Variants in UBE3C observed in about 807,000 individuals in gnomAD.
UBE3C encodes ubiquitin protein ligase E3C.
Under a neutral mutation model 129.4 loss-of-function variants are expected in UBE3C, and 42 were observed. The ratio of observed to expected loss-of-function variants is 0.32; its 90% CI spans 0.25 to 0.42. The LOEUF is 0.42. Among genes scored for constraint, UBE3C ranks in the 10% least tolerant of loss-of-function variants. The pLI is 1.00. For synonymous variants in UBE3C, 510 were observed against 492.4 expected, an observed-to-expected ratio of 1.04 and a Z score of -0.47; for missense variants, 1,049 against 1,319.1, an observed-to-expected ratio of 0.80 and a Z score of 3.17.
chr7:157,171,686 A>ATATATATATT (rs1563039077), intron 4 of UBE3C, among the ~76,000 whole-genome samples: 1 of 37,634 alleles, frequency 2.7e-5, no homozygotes, highest in Non-Finnish European at 5.3e-5. Context: ...ATATATATAT[A>ATATATATATT]TTTTTTTTTT....
intron 10 of UBE3C, among the ~76,000 whole-genome samples, chr7:157,191,163 CTTAA>C (rs1808952339): frequency 6.6e-6 from 1 of 152,216 alleles, no homozygotes; most frequent in Admixed American, 6.5e-5. Flanking sequence ...AGTGAAGCAG[CTTAA>C]TTATGTCTTG....
At position 157,140,776 on chromosome 7, in the gene UBE3C, T is replaced by C. The variant is rs148176792; in HGVS notation, c.66+1438T>C. On this transcript the variant is annotated intron_variant, in intron 1 of 22. Coordinates refer to ENST00000348165, the MANE Select transcript of UBE3C (RefSeq NM_014671.3). ...TTTTCACCAAGGAGTGCATCTCTGC[T>C]CTGAGGGAGTGAGATTTCTTAACTG... Among the ~76,000 whole-genome samples the C allele has an allele frequency of 9.6e-3, 1,460 of 152,276 alleles. 9 individuals carry two copies. The highest frequency in any genetic ancestry group is 0.018 in the Admixed American group (274 of 15,286).
chr7:157,243,138 T>C lies in UBE3C; in HGVS notation c.2482-5230T>C, dbSNP rs1247600052. Reference sequence around the variant, plus strand: ...TCGCTGGAAGCCACTATGAGGAAAATAGGACAGGAGATGTGCACGTGTCCT... The same window carrying C: ...TCGCTGGAAGCCACTATGAGGAAAACAGGACAGGAGATGTGCACGTGTCCT... On this transcript the variant is annotated intron_variant, in intron 18 of 22. Transcript: ENST00000348165. Among the ~76,000 whole-genome samples the C allele has an allele frequency of 3.3e-5, 5 of 151,844 alleles. No individual in the cohort carries two copies. The East Asian group carries it at 9.7e-4, about 29-fold the overall frequency.
chr7:157,166,912 TTGGTGGTGG>T (rs745770395), intron 2 of UBE3C, among the ~76,000 whole-genome samples: 2 of 126,564 alleles, frequency 1.6e-5, no homozygotes, highest in East Asian at 4.5e-4. Flanking sequence ...CTTTTTCCTG[TTGGTGGTGG>T]TGGTGGTGGT....
Position 157,178,952 on chromosome 7 carries a change from C to T in UBE3C, c.616+105C>T, listed in dbSNP as rs375978981. ...TGTGCCCTCAGTCTCAATGTCAGAG[C>T]GGTACTGGTGTCCCAGACGCCTTGT... is the stretch of plus-strand genomic sequence containing the variant. On this transcript the variant is annotated intron_variant, in intron 6 of 22. Coordinates refer to ENST00000348165, the MANE Select transcript of UBE3C (RefSeq NM_014671.3). 5.2e-4 allele frequency: 735 copies of T among 1,413,002 alleles called. 5 individuals carry two copies. Among genetic ancestry groups the T allele is most frequent in the South Asian group, 3.9e-3 (290 of 74,468 alleles). The allele number at this position is 1,413,002 out of a possible 1,614,324, so 87.5% of individuals were successfully genotyped here.
rs796230254 is a variant in UBE3C, at chr7:157,224,013, GT to G, written c.2100+673del. On this transcript the variant is annotated intron_variant, in intron 16 of 22. Transcript: ENST00000348165. ...TTCACGTTTATTTATCAGAAACGAT[GT>G]TTTTTTTTTTCTGAGACAGGATCTC... Among the ~76,000 whole-genome samples, 420 of 148,192 alleles carry G rather than the reference GT, an allele frequency of 2.8e-3. 7 individuals carry two copies. The highest frequency in any genetic ancestry group is 9.5e-3 in the African/African-American group (386 of 40,682).
chr7:157,195,068 T>C lies in UBE3C; in HGVS notation c.1332-6653T>C, dbSNP rs559039157. Among the ~76,000 whole-genome samples, 18 of 152,378 alleles carry C rather than the reference T, an allele frequency of 1.2e-4. No homozygotes were observed. The South Asian group carries it at 3.7e-3, about 32-fold the overall frequency. ...CTAGAGAAAGTGATGAAGGTATGGC[T>C]GTATAACCTTCTGCTAATACTTCAG... On this transcript the variant is annotated intron_variant, in intron 10 of 22. Transcript: ENST00000348165.
intron 13 of UBE3C, among the ~76,000 whole-genome samples, chr7:157,208,933 G>A (rs377487775): frequency 6.6e-6 from 1 of 152,226 alleles, no homozygotes; most frequent in Non-Finnish European, 1.5e-5. Context: ...TTTACAGTCC[G>A]TTTAATACCA....
At chr7:157,201,400 A>G (rs1809276993) in intron 10 of UBE3C, among the ~76,000 whole-genome samples, 1 of 151,142 alleles carries the variant, frequency 6.6e-6, no homozygotes, top group Non-Finnish European at 1.5e-5. Flanking sequence ...TACGATATGT[A>G]GCAGAGGGGG....
intron 10 of UBE3C, among the ~76,000 whole-genome samples, chr7:157,195,299 T>C (rs1471603415): frequency 6.6e-6 from 1 of 152,206 alleles, no homozygotes; most frequent in Non-Finnish European, 1.5e-5. Flanking sequence ...GACAATGTTA[T>C]AGCAGCAGAA....
intron 13 of UBE3C, among the ~76,000 whole-genome samples, chr7:157,216,303 G>A (rs1340977574): frequency 5.3e-5 from 8 of 151,148 alleles, no homozygotes; most frequent in Admixed American, 5.3e-4. Flanking sequence ...CCACTTAGAG[G>A]TATCTTTCAT....
chr7:157,178,631 G>A, intron 5 of UBE3C, 59 bp from the exon 6 acceptor site: 1 of 1,553,140 alleles, frequency 6.4e-7, no homozygotes, highest in Non-Finnish European at 8.8e-7. Context: ...AGTAACTTGG[G>A]GAAACTGGTG....
intron 2 of UBE3C, among the ~76,000 whole-genome samples, chr7:157,165,061 G>T (rs558503024): frequency 6.6e-6 from 1 of 152,114 alleles, no homozygotes; most frequent in African/African-American, 2.4e-5. Context: ...GTAGCACTCC[G>T]TTACCTCAGT....
At chr7:157,154,925 C>T (rs752996494) in intron 1 of UBE3C, among the ~76,000 whole-genome samples, 14 of 152,146 alleles carry the variant, frequency 9.2e-5, no homozygotes, top group African/African-American at 2.7e-4. Flanking sequence ...CCTACCCATC[C>T]CTTAGAAATG....
At chr7:157,253,878 ATT>A in intron 19 of UBE3C, 74 bp from the exon 20 acceptor site, 1 of 1,392,240 alleles carries the variant, frequency 7.2e-7, no homozygotes, top group South Asian at 1.4e-5. Flanking sequence ...TCCTTAAAAC[ATT>A]TGTTTCTTGC....
chr7:157,221,104 CTG>C (rs1455718472), intron 15 of UBE3C: 2 of 232,606 alleles, frequency 8.6e-6, no homozygotes, highest in East Asian at 1.7e-4. Flanking sequence ...ATTGTTCCCT[CTG>C]TTGCTCAGCA....
At chr7:157,150,396 T>G (rs1209130460) in intron 1 of UBE3C, among the ~76,000 whole-genome samples, 1 of 151,380 alleles carries the variant, frequency 6.6e-6, no homozygotes, top group Non-Finnish European at 1.5e-5. Flanking sequence ...AAAAAGAGTC[T>G]AACAAGATAT....
chr7:157,171,521 G>A (rs1371983667), intron 4 of UBE3C, among the ~76,000 whole-genome samples: 1 of 151,554 alleles, frequency 6.6e-6, no homozygotes, highest in Non-Finnish European at 1.5e-5. Context: ...GAGGAACAGT[G>A]TGTATTAATG....
At chr7:157,258,587 A>G (rs1361269423) in intron 22 of UBE3C, among the ~76,000 whole-genome samples, 2 of 152,056 alleles carry the variant, frequency 1.3e-5, no homozygotes, top group Non-Finnish European at 2.9e-5. Context: ...AGCCTCCTGA[A>G]TAGCTGTGAT....
Sources: gnomAD v4.1 joint callset for allele counts (sites outside exome capture counted in the v4.1 genomes callset) on GRCh38, gnomAD v4.1.1 for gene constraint, MANE v1.5 for transcripts, NCBI Gene and HGNC (gene_info 2026-07-23, HGNC 2026-07-21) for gene names.